MAP1LC3B: variants seen among roughly 807,000 people sequenced by gnomAD.
The protein encoded by MAP1LC3B is microtubule associated protein 1 light chain 3 beta.
Under a neutral mutation model 16.7 loss-of-function variants are expected in MAP1LC3B, and 12 were observed. That is an observed-to-expected ratio of 0.72 (90% CI 0.46 to 1.16). The LOEUF (loss-of-function observed/expected upper bound fraction) is 1.16, where lower values mean the gene tolerates loss of function less well. Ranked by LOEUF, MAP1LC3B falls within the 50% of genes most tolerant of loss-of-function variation. The pLI is 0.00. For synonymous variants in MAP1LC3B, 63 were observed against 56.5 expected, an observed-to-expected ratio of 1.11 and a Z score of -0.51; for missense variants, 155 against 159.5, an observed-to-expected ratio of 0.97 and a Z score of 0.15.
chr16:87,399,029 A>G, intron 2 of MAP1LC3B, 159 bp downstream of exon 2: 1 of 633,162 alleles, frequency 1.6e-6, no homozygotes, highest in Admixed American at 2.6e-5. Flanking sequence ...TTTAAGAGAC[A>G]GGGTCTCACT....
At chr16:87,395,407 G>T (rs949361142) in intron 1 of MAP1LC3B, among the ~76,000 whole-genome samples, 1 of 152,246 alleles carries the variant, frequency 6.6e-6, no homozygotes, top group Non-Finnish European at 1.5e-5. Flanking sequence ...TTGACTGCCA[G>T]CGGGGCAGTC....
chr16:87,392,448 C>G lies in MAP1LC3B; in HGVS notation c.21C>G (p.Phe7Leu). 1.4e-6 allele frequency: 2 copies of G among 1,398,398 alleles called. 1 individual carries two copies. Among genetic ancestry groups the G allele is most frequent in the South Asian group, 3.1e-5 (2 of 64,686 alleles). 86.6% of individuals were successfully genotyped at this position (1,398,398 alleles called of 1,614,324 possible). A position where few individuals can be genotyped will look rare whatever the true frequency, so the allele number is the denominator to read the frequency against. Residue 7 changes from phenylalanine (F) to leucine (L), a missense_variant, in exon 1 of 4, where the codon TTC (phenylalanine) becomes TTG (leucine). By Grantham distance (22) the Phe-to-Leu change is conservative (BLOSUM62 0). Coordinates refer to ENST00000268607, the MANE Select transcript of MAP1LC3B (RefSeq NM_022818.5). MPSEKT[F>L]KQRRTFEQRV... is the part of the protein sequence containing the mutation. ...GCACCATGCCGTCGGAGAAGACCTT[C>G]AAGCAGCGCCGCACCTTCGGTGAGT...
In MAP1LC3B at chr16:87,403,784, A is replaced by G. The variant is rs2150714519; in HGVS notation, c.*687A>G. ...ACACATAAAGACACCACTCAAAAGGAAACTTGAATAATTTATAATTTTGAT... is the reference window on the plus strand; with the variant it reads ...ACACATAAAGACACCACTCAAAAGGGAACTTGAATAATTTATAATTTTGAT... On this transcript the variant is annotated 3_prime_UTR_variant, in exon 4 of 4. Transcript: ENST00000268607. 1 of 152,312 alleles carries G rather than the reference A, an allele frequency of 6.6e-6. No homozygotes were observed. The highest frequency in any genetic ancestry group is 2.1e-4 in the South Asian group (1 of 4,834). The allele number at this position is 152,312 out of a possible 1,614,324, so 9.4% of individuals were successfully genotyped here.
chr16:87,399,815 C>T (rs1465621996), intron 2 of MAP1LC3B: 1 of 294,466 alleles, frequency 3.4e-6, no homozygotes, highest in Non-Finnish European at 6.7e-6. Flanking sequence ...GCTGTGTCGC[C>T]CAGGCTGGAG....
rs1236942003 is a variant in MAP1LC3B, at chr16:87,400,922, CAG to C, written c.97-1252_97-1251del. Among the ~76,000 whole-genome samples, 7 of 152,112 alleles carry C rather than the reference CAG, an allele frequency of 4.6e-5. No individual in the cohort carries two copies. The East Asian group carries it at 5.8e-4, about 13-fold the overall frequency. ...GGCCGAGGCGGGTGGATCACGAAGT[CAG>C]GGGTTCGAGACCAGCCTGACCAACA... is the stretch of plus-strand genomic sequence containing the variant. On this transcript the variant is annotated intron_variant, in intron 2 of 3. Coordinates refer to ENST00000268607, the MANE Select transcript of MAP1LC3B (RefSeq NM_022818.5).
intron 1 of MAP1LC3B, among the ~76,000 whole-genome samples, chr16:87,397,663 G>C (rs1440938706): frequency 6.6e-6 from 1 of 152,102 alleles, no homozygotes; most frequent in Non-Finnish European, 1.5e-5. Context: ...AATGAGATTG[G>C]CAATGATATT....
chr16:87,393,745 T>C (rs1030530330), intron 1 of MAP1LC3B, among the ~76,000 whole-genome samples: 4 of 152,110 alleles, frequency 2.6e-5, no homozygotes. Flanking sequence ...AGATTTTCTT[T>C]TCTTTTTTAT....
rs757457896 is a variant in MAP1LC3B, at chr16:87,403,100, C to G, written c.*3C>G. The G allele has an allele frequency of 3.8e-6, 6 of 1,590,106 alleles. No individual in the cohort carries two copies. Among genetic ancestry groups the G allele is most frequent in the Non-Finnish European group, 5.1e-6 (6 of 1,172,948 alleles). ...TCGGGATGAAATTGTCAGTGTAAAA[C>G]CAGAAAAAATGCAGCTCTTCTAGAA... On this transcript the variant is annotated 3_prime_UTR_variant, in exon 4 of 4. Coordinates refer to ENST00000268607, the MANE Select transcript of MAP1LC3B (RefSeq NM_022818.5).
Position 87,398,881 on chromosome 16 carries a change from T to C in MAP1LC3B, c.96+11T>C. On this transcript the variant is annotated intron_variant, in intron 2 of 3. Transcript: ENST00000268607. ...CCAACCAAAATCCCGGTAGGTAGTC[T>C]CAGGCCTCGGTTTCAGTCATGAATG... 1 of 1,613,074 alleles carries C rather than the reference T, an allele frequency of 6.2e-7. No homozygotes were observed. Among genetic ancestry groups the C allele is most frequent in the South Asian group, 1.1e-5 (1 of 91,066 alleles).
At chr16:87,394,420 C>T (rs1907727953) in intron 1 of MAP1LC3B, among the ~76,000 whole-genome samples, 1 of 152,166 alleles carries the variant, frequency 6.6e-6, no homozygotes, top group Non-Finnish European at 1.5e-5. Context: ...AGATAAGCCC[C>T]AGTTAGCTTG....
At chr16:87,402,710 A>T (rs1257394340) in intron 3 of MAP1LC3B, 2 of 625,310 alleles carry the variant, frequency 3.2e-6, no homozygotes, top group African/African-American at 1.8e-5. Flanking sequence ...ACAGTATACT[A>T]GTTTAAAATC....
chr16:87,402,305 AAT>A, intron 3 of MAP1LC3B, 24 bp downstream of exon 3: 1 of 1,599,368 alleles, frequency 6.3e-7, no homozygotes, highest in Non-Finnish European at 8.6e-7. Flanking sequence ...TTTGTTTCAT[AAT>A]ATATTTCCTT....
chr16:87,392,442 G>A lies in MAP1LC3B; in HGVS notation c.15G>A (p.Lys5=). Residue 5 remains lysine, a synonymous_variant, in exon 1 of 4, where the codon AAG becomes AAA. Coordinates refer to ENST00000268607, the MANE Select transcript of MAP1LC3B (RefSeq NM_022818.5). ...ATCCCTGCACCATGCCGTCGGAGAA[G>A]ACCTTCAAGCAGCGCCGCACCTTCG... is the stretch of plus-strand genomic sequence containing the variant. MPSE[K]TFKQRRTFEQ... The A allele has an allele frequency of 9.2e-6, 13 of 1,415,482 alleles. No homozygotes were observed. Among genetic ancestry groups the A allele is most frequent in the South Asian group, 1.5e-5 (1 of 68,044 alleles). The allele number at this position is 1,415,482 out of a possible 1,614,324, so 87.7% of individuals were successfully genotyped here.
intron 2 of MAP1LC3B, among the ~76,000 whole-genome samples, chr16:87,400,678 C>A (rs972640319): frequency 6.6e-6 from 1 of 151,290 alleles, no homozygotes; most frequent in African/African-American, 2.4e-5. Context: ...TAGGAACTTA[C>A]ACATTTATTA....
intron 1 of MAP1LC3B, 123 bp downstream of exon 1, chr16:87,392,590 T>A: frequency 1.0e-6 from 1 of 954,654 alleles, no homozygotes; most frequent in African/African-American, 1.8e-5. Flanking sequence ...GGCCGGTGGC[T>A]GCCGGCCGGC....
rs895845223 is a variant in MAP1LC3B, at chr16:87,404,153, TG to T, written c.*1058del. ...TCCCACACCAAGTGCATGTCAGTTG[TG>T]GAGAAAACATAGCAAAAAGAGCCGT... On this transcript the variant is annotated 3_prime_UTR_variant, in exon 4 of 4. Coordinates refer to ENST00000268607, the MANE Select transcript of MAP1LC3B (RefSeq NM_022818.5). 35 of 152,258 alleles carry T rather than the reference TG, an allele frequency of 2.3e-4. No individual in the cohort carries two copies. Among genetic ancestry groups the T allele is most frequent in the African/African-American group, 8.2e-4 (34 of 41,556 alleles). The allele number at this position is 152,258 out of a possible 1,614,324, so 9.4% of individuals were successfully genotyped here. A position where few individuals can be genotyped will look rare whatever the true frequency, so the allele number is the denominator to read the frequency against.
chr16:87,393,732 G>A (rs965397794), intron 1 of MAP1LC3B, among the ~76,000 whole-genome samples: 4 of 151,290 alleles, frequency 2.6e-5, no homozygotes, highest in Admixed American at 2.0e-4. Context: ...CAGCATTAAA[G>A]ACAGATTTTC....
At chr16:87,398,298 G>A (rs1310717504) in intron 1 of MAP1LC3B, among the ~76,000 whole-genome samples, 1 of 152,164 alleles carries the variant, frequency 6.6e-6, no homozygotes, top group Admixed American at 6.5e-5. Context: ...AAGGTGCTGG[G>A]ATTACAGGCA....
intron 1 of MAP1LC3B, among the ~76,000 whole-genome samples, chr16:87,396,399 T>C (rs961510857): frequency 2.0e-5 from 3 of 150,316 alleles, no homozygotes; most frequent in Non-Finnish European, 3.0e-5. Flanking sequence ...GGCATGAACC[T>C]GGGAGGCGTA....
Sources: gnomAD v4.1 joint callset for allele counts (sites outside exome capture counted in the v4.1 genomes callset) on GRCh38, gnomAD v4.1.1 for gene constraint, MANE v1.5 for transcripts, NCBI Gene and HGNC (gene_info 2026-07-23, HGNC 2026-07-21) for gene names.